The following DIAPH2 variants were observed in gnomAD, a reference collection of about 807,000 sequenced individuals.
DIAPH2 encodes the protein protein diaphanous homolog 2.
DIAPH2 carries 35 observed loss-of-function variants against 92.7 expected under a neutral mutation model. The ratio of observed to expected loss-of-function variants is 0.38; its 90% CI spans 0.29 to 0.50. DIAPH2 has a LOEUF of 0.50. Ranked by LOEUF, DIAPH2 falls within the 20% of genes least tolerant of loss-of-function variation. The probability of loss-of-function intolerance (pLI) is 0.94; values close to 1 mark genes in which losing one functional copy is unlikely to be tolerated. For missense variants in DIAPH2, 701 were observed against 819.5 expected (o/e 0.86, Z 1.77); for synonymous variants, 301 against 280.4 (o/e 1.07, Z -0.73).
At chrX:97,281,378 C>A (rs1332641865) in intron 23 of DIAPH2, among the ~76,000 whole-genome samples, 2 of 111,091 alleles carry the variant, frequency 1.8e-5, no homozygotes, top group Non-Finnish European at 3.8e-5. Flanking sequence ...TACTGAAATT[C>A]ATGGGTAGAT....
chrX:97,247,944 C>G, intron 23 of DIAPH2, 105 bp downstream of exon 23: 1 of 765,702 alleles, frequency 1.3e-6, no homozygotes, highest in Non-Finnish European at 1.8e-6. Context: ...TTCACACCAT[C>G]TGGATGAATT....
At chrX:97,425,176 TTA>T (rs1288330369) in intron 25 of DIAPH2, among the ~76,000 whole-genome samples, 24 of 111,647 alleles carry the variant, frequency 2.1e-4, no homozygotes, top group African/African-American at 7.8e-4. Context: ...CTTCTTGTAC[TTA>T]TATATCTCTA....
chrX:97,362,365 G>A (rs752252150), intron 24 of DIAPH2, among the ~76,000 whole-genome samples: 2 of 111,619 alleles, frequency 1.8e-5, no homozygotes, highest in South Asian at 3.8e-4. Context: ...GTTGCAAATT[G>A]GCAAAAGAAA....
chrX:97,378,251 C>T (rs1183289397), intron 24 of DIAPH2, among the ~76,000 whole-genome samples: 1 of 109,779 alleles, frequency 9.1e-6, no homozygotes, highest in Non-Finnish European at 1.9e-5. Context: ...GGCATGGTGT[C>T]ACATGCCTGT....
At chrX:97,497,883 T>C (rs1373146793) in intron 26 of DIAPH2, among the ~76,000 whole-genome samples, 1 of 111,096 alleles carries the variant, frequency 9.0e-6, no homozygotes, top group Non-Finnish European at 1.9e-5. Flanking sequence ...TATATGTATA[T>C]ATATATCATA....
chrX:97,164,253 A>G (rs2067395754), intron 22 of DIAPH2, among the ~76,000 whole-genome samples: 1 of 112,000 alleles, frequency 8.9e-6, no homozygotes, highest in Non-Finnish European at 1.9e-5. Context: ...ATGCAAAACA[A>G]CCAATCCATA....
At chrX:96,925,709 T>C (rs1026192029) in intron 9 of DIAPH2, among the ~76,000 whole-genome samples, 1 of 112,021 alleles carries the variant, frequency 8.9e-6, no homozygotes, top group African/African-American at 3.2e-5. Context: ...GTCTCCAGAA[T>C]TGCAGTCTAG....
chrX:96,951,014 C>T (rs761608116), intron 15 of DIAPH2, among the ~76,000 whole-genome samples: 1 of 111,796 alleles, frequency 8.9e-6, no homozygotes, highest in Non-Finnish European at 1.9e-5. Flanking sequence ...AAATTGAGTA[C>T]GCATGAAATT....
intron 23 of DIAPH2, among the ~76,000 whole-genome samples, chrX:97,293,041 G>A (rs1173080136): frequency 9.1e-6 from 1 of 109,990 alleles, no homozygotes; most frequent in Non-Finnish European, 1.9e-5. Context: ...AATGAAAGAG[G>A]AGAATGAATA....
At chrX:97,446,454 T>C (rs1200095982) in intron 26 of DIAPH2, among the ~76,000 whole-genome samples, 2 of 112,049 alleles carry the variant, frequency 1.8e-5, no homozygotes, top group Non-Finnish European at 3.8e-5. Context: ...ACTTAAATTC[T>C]ACTCTAGGGG....
intron 22 of DIAPH2, among the ~76,000 whole-genome samples, chrX:97,149,484 C>A (rs1233244165): frequency 9.1e-6 from 1 of 110,314 alleles, no homozygotes; most frequent in East Asian, 2.9e-4. Flanking sequence ...GTAATCCCAG[C>A]ACTTTGGGAG....
chrX:97,271,337 C>G (rs1377582125), intron 23 of DIAPH2, among the ~76,000 whole-genome samples: 1 of 112,032 alleles, frequency 8.9e-6, no homozygotes, highest in East Asian at 2.8e-4. Context: ...CACATGTGAT[C>G]ATAACAATAA....
At chrX:96,737,589 T>G (rs1179963054) in intron 2 of DIAPH2, among the ~76,000 whole-genome samples, 1 of 111,961 alleles carries the variant, frequency 8.9e-6, no homozygotes, top group Non-Finnish European at 1.9e-5. Flanking sequence ...TGCACATTAC[T>G]AACTTTTGAT....
chrX:97,579,454 G>A (rs1161701958), intron 26 of DIAPH2, among the ~76,000 whole-genome samples: 1 of 111,017 alleles, frequency 9.0e-6, no homozygotes, highest in African/African-American at 3.3e-5. Flanking sequence ...CTTTTCTCAG[G>A]TTTGTCAAAG....
intron 22 of DIAPH2, among the ~76,000 whole-genome samples, chrX:97,233,789 A>G (rs2068026228): frequency 9.0e-6 from 1 of 111,365 alleles, no homozygotes; most frequent in Admixed American, 9.6e-5. Flanking sequence ...TATTTATTTA[A>G]TTTGGGGATT....
At chrX:97,330,407 A>G (rs2068990696) in intron 23 of DIAPH2, among the ~76,000 whole-genome samples, 1 of 110,941 alleles carries the variant, frequency 9.0e-6, no homozygotes, top group Admixed American at 9.7e-5. Context: ...GATACTTCAT[A>G]TAAGTGGAAT....
At chrX:97,505,426 T>G (rs2070825441) in intron 26 of DIAPH2, among the ~76,000 whole-genome samples, 1 of 112,116 alleles carries the variant, frequency 8.9e-6, no homozygotes, top group Middle Eastern at 4.2e-3. Context: ...TACAAACATC[T>G]TAGATTGTGC....
chrX:96,740,077 T>C (rs1444274300), intron 3 of DIAPH2, among the ~76,000 whole-genome samples: 1 of 112,455 alleles, frequency 8.9e-6, no homozygotes, highest in Admixed American at 9.4e-5. Flanking sequence ...TACCTTGGAC[T>C]GTGTCATCCT....
chrX:97,410,335 A>G (rs1252002224), intron 25 of DIAPH2, among the ~76,000 whole-genome samples: 2 of 112,109 alleles, frequency 1.8e-5, no homozygotes, highest in African/African-American at 6.5e-5. Flanking sequence ...CGTAGAAGGA[A>G]AACTAACAAA....
Sources: gnomAD v4.1 joint callset for allele counts (sites outside exome capture counted in the v4.1 genomes callset) on GRCh38, gnomAD v4.1.1 for gene constraint, MANE v1.5 for transcripts, NCBI Gene and HGNC (gene_info 2026-07-23, HGNC 2026-07-21) for gene names.